DIS3L2: variants seen among roughly 807,000 people sequenced by gnomAD.
The protein encoded by DIS3L2 is DIS3 like 3'-5' exoribonuclease 2.
DIS3L2 carries 34 observed loss-of-function variants against 97.5 expected under a neutral mutation model. The ratio of observed to expected loss-of-function variants is 0.35; its 90% CI spans 0.27 to 0.46. The LOEUF is 0.46. DIS3L2 is among the 20% of genes least tolerant of loss of function. The pLI is 1.00. For missense variants in DIS3L2, 1,038 were observed against 1,146.0 expected (o/e 0.91, Z 1.36); for synonymous variants, 435 against 445.2 (o/e 0.98, Z 0.29).
At chr2:232,096,536 T>C (rs979427860) in intron 6 of DIS3L2, among the ~76,000 whole-genome samples, 1 of 152,204 alleles carries the variant, frequency 6.6e-6, no homozygotes, top group South Asian at 2.1e-4. Context: ...CTACCTCCTC[T>C]TTAAAGCCAA....
intron 13 of DIS3L2, chr2:232,343,256 C>A: frequency 1.8e-6 from 2 of 1,117,768 alleles, no homozygotes; most frequent in Admixed American, 2.4e-5. Context: ...CTGACGCAGG[C>A]TGAGTAGGCT....
chr2:231,982,899 C>T (rs1423965780), intron 1 of DIS3L2, among the ~76,000 whole-genome samples: 1 of 152,010 alleles, frequency 6.6e-6, no homozygotes, highest in East Asian at 1.9e-4. Context: ...AGGCTGGTCT[C>T]GAACTCTTAA....
At chr2:232,095,399 A>G (rs1696976740) in intron 6 of DIS3L2, among the ~76,000 whole-genome samples, 1 of 152,194 alleles carries the variant, frequency 6.6e-6, no homozygotes. Flanking sequence ...ATAACAGCTT[A>G]CTGTTTTTAT....
chr2:232,275,216 G>A (rs887830972), intron 13 of DIS3L2, among the ~76,000 whole-genome samples: 32 of 152,134 alleles, frequency 2.1e-4, no homozygotes, highest in Non-Finnish European at 3.7e-4. Context: ...TGCCTGGTGC[G>A]GAACACCATC....
In DIS3L2 at chr2:232,269,186, A is replaced by G. The variant is rs1230587380; in HGVS notation, c.1659+5746A>G. The stretch of plus-strand genomic sequence containing the variant: ...TGTAGCGCTAAGGAAACTGTGTAGC[A>G]TTTCTCCCCCACACTGCCCCCATTG... On this transcript the variant is annotated intron_variant, in intron 13 of 20. Transcript: ENST00000325385. This position sits in a 1 kb window ranked among gnomAD's most constrained non-coding sequence, Gnocchi z 4.5. Among the ~76,000 whole-genome samples, 5 of 152,090 alleles carry G rather than the reference A, an allele frequency of 3.3e-5. No individual in the cohort carries two copies. Among genetic ancestry groups the G allele is most frequent in the African/African-American group, 1.2e-4 (5 of 41,404 alleles).
At chr2:232,315,054 C>T (rs1695231983) in intron 14 of DIS3L2, among the ~76,000 whole-genome samples, 1 of 152,170 alleles carries the variant, frequency 6.6e-6, no homozygotes, top group African/African-American at 2.4e-5. Context: ...GCTTTTTAAG[C>T]AGATAGTACT....
intron 6 of DIS3L2, among the ~76,000 whole-genome samples, chr2:232,095,991 C>A (rs572632773): frequency 4.1e-4 from 60 of 147,620 alleles, no homozygotes; most frequent in African/African-American, 1.4e-3. Context: ...TCTTTTTCTT[C>A]TTTTCTTTTC....
chr2:232,295,734 G>C (rs751381382), intron 13 of DIS3L2, among the ~76,000 whole-genome samples: 2 of 152,104 alleles, frequency 1.3e-5, no homozygotes, highest in African/African-American at 4.8e-5. Context: ...CTTTCTATTC[G>C]TTTTTCAACC....
chr2:232,288,892 C>T (rs1020350317), intron 13 of DIS3L2, among the ~76,000 whole-genome samples: 1 of 152,092 alleles, frequency 6.6e-6, no homozygotes, highest in African/African-American at 2.4e-5. Flanking sequence ...AGAGGACTTA[C>T]AACAAAGGAA....
chr2:232,121,846 C>T (rs1040953802), intron 6 of DIS3L2, among the ~76,000 whole-genome samples: 1 of 152,132 alleles, frequency 6.6e-6, no homozygotes, highest in Non-Finnish European at 1.5e-5. Flanking sequence ...CATATACCTC[C>T]CCACTTCCCC....
At chr2:232,310,732 C>T (rs1349758382) in intron 14 of DIS3L2, among the ~76,000 whole-genome samples, 1 of 152,266 alleles carries the variant, frequency 6.6e-6, no homozygotes, top group Non-Finnish European at 1.5e-5. Context: ...TCCCTGGATA[C>T]TACCCCAGCT....
chr2:232,297,291 G>A (rs1042841543), intron 13 of DIS3L2, among the ~76,000 whole-genome samples: 3 of 152,160 alleles, frequency 2.0e-5, no homozygotes, highest in Non-Finnish European at 4.4e-5. Context: ...ACACTCCTAC[G>A]TGCAGCCTGC....
intron 6 of DIS3L2, among the ~76,000 whole-genome samples, chr2:232,098,261 C>T (rs954351254): frequency 6.6e-6 from 1 of 152,080 alleles, no homozygotes; most frequent in African/African-American, 2.4e-5. Context: ...TCCATCTAAG[C>T]CAGAATGATT....
intron 14 of DIS3L2, among the ~76,000 whole-genome samples, chr2:232,320,899 A>G (rs1253735031): frequency 2.0e-5 from 3 of 152,190 alleles, no homozygotes; most frequent in African/African-American, 4.8e-5. Context: ...AGAGAAGGAC[A>G]GTCTGGATTC....
intron 5 of DIS3L2, among the ~76,000 whole-genome samples, chr2:232,070,564 T>C (rs1010560788): frequency 1.3e-5 from 2 of 152,076 alleles, no homozygotes; most frequent in African/African-American, 4.8e-5. Context: ...GAGGCTTGCT[T>C]GTACCGGAGT....
At chr2:232,225,275 A>G (rs540435600) in intron 10 of DIS3L2, among the ~76,000 whole-genome samples, 1 of 152,228 alleles carries the variant, frequency 6.6e-6, no homozygotes, top group Non-Finnish European at 1.5e-5. Flanking sequence ...ATATATGTAC[A>G]GGAACGTTCA....
At chr2:232,123,544 A>G (rs1010106098) in intron 6 of DIS3L2, among the ~76,000 whole-genome samples, 1 of 151,488 alleles carries the variant, frequency 6.6e-6, no homozygotes, top group East Asian at 1.9e-4. Flanking sequence ...TATGCTCTAC[A>G]CTGCCACCCG....
chr2:232,334,789 A>G (rs1461188432), intron 19 of DIS3L2, 54 bp downstream of exon 19: 2 of 1,494,840 alleles, frequency 1.3e-6, no homozygotes, highest in African/African-American at 1.4e-5. Flanking sequence ...GCCATCCCGC[A>G]CTGGAGGGGC....
At chr2:232,340,999 C>T (rs1194637155), downstream of DIS3L2, 15 of 462,562 alleles carry the variant, frequency 3.2e-5, no homozygotes, top group Admixed American at 2.4e-5. Flanking sequence ...CATCGTGAAA[C>T]GAGAGGAGGT....
Sources: allele counts gnomAD v4.1 joint callset (sites outside exome capture counted in the v4.1 genomes callset), GRCh38; gene constraint gnomAD v4.1.1; non-coding constraint Gnocchi (gnomAD v3.1); transcripts MANE v1.5; gene names NCBI Gene and HGNC (gene_info 2026-07-23, HGNC 2026-07-21).